Variants in LRMDA observed in about 807,000 individuals in gnomAD.
LRMDA encodes the protein leucine-rich melanocyte differentiation-associated protein.
Under a neutral mutation model 29.8 loss-of-function variants are expected in LRMDA, and 18 were observed. The observed-to-expected ratio is 0.60, with a 90% CI of 0.42 to 0.90. The LOEUF (loss-of-function observed/expected upper bound fraction) is 0.90. Ranked by LOEUF, LRMDA falls within the 40% of genes least tolerant of loss-of-function variation. The pLI is 0.00. For missense variants in LRMDA, 273 were observed against 273.9 expected, an observed-to-expected ratio of 1.00 and a Z score of 0.02; for synonymous variants, 125 against 109.4, an observed-to-expected ratio of 1.14 and a Z score of -0.89.
chr10:76,346,990 G>T (rs528225432), intron 6 of LRMDA, among the ~76,000 whole-genome samples: 4 of 152,104 alleles, frequency 2.6e-5, no homozygotes, highest in Admixed American at 2.6e-4. Flanking sequence ...CTTTATGAGC[G>T]TCAATTATCA....
chr10:75,715,910 A>C (rs1197492883), intron 2 of LRMDA, among the ~76,000 whole-genome samples: 1 of 151,216 alleles, frequency 6.6e-6, no homozygotes, highest in Non-Finnish European at 1.5e-5. Flanking sequence ...TAGTTTAGAG[A>C]ATGTAAATTG....
intron 2 of LRMDA, among the ~76,000 whole-genome samples, chr10:75,465,399 C>T (rs1844636098): frequency 6.6e-6 from 1 of 152,186 alleles, no homozygotes; most frequent in African/African-American, 2.4e-5. Context: ...CAGGTCTGTG[C>T]ATGCAGACAC....
chr10:76,496,775 G>C (rs1842881588), intron 6 of LRMDA, among the ~76,000 whole-genome samples: 1 of 74,674 alleles, frequency 1.3e-5, no homozygotes, highest in African/African-American at 3.3e-5. Context: ...TGATCATATG[G>C]GTGTTGGAGT....
At chr10:76,363,176 A>AGAAAGAAAGGAGGGAGGGAGGGAG (rs1459442138) in intron 6 of LRMDA, among the ~76,000 whole-genome samples, 1 of 21,750 alleles carries the variant, frequency 4.6e-5, no homozygotes, top group African/African-American at 1.5e-4. Context: ...AAAGAAAGAA[A>AGAAAGAAAGGAGGGAGGGAGGGAG]GGAGGGAGGG....
At chr10:75,628,224 C>T (rs1841277478) in intron 2 of LRMDA, among the ~76,000 whole-genome samples, 1 of 152,202 alleles carries the variant, frequency 6.6e-6, no homozygotes, top group African/African-American at 2.4e-5. Flanking sequence ...GCTACATTGT[C>T]CACTCTCAGA....
chr10:76,555,159 C>T (rs1458983229), intron 6 of LRMDA, among the ~76,000 whole-genome samples: 2 of 152,074 alleles, frequency 1.3e-5, no homozygotes, highest in Non-Finnish European at 2.9e-5. Context: ...ATTCCTGGAG[C>T]AGAGCCTGAT....
In LRMDA at chr10:76,324,390, T is replaced by A. The variant is rs781324694; in HGVS notation, c.517-11T>A. 6.2e-7 allele frequency: 1 copy of A among 1,613,984 alleles called. No homozygotes were observed. The highest frequency in any genetic ancestry group is 1.1e-5 in the South Asian group (1 of 91,072). On this transcript the variant is annotated splice_polypyrimidine_tract_variant and intron_variant, in intron 5 of 6. Transcript: ENST00000611255. ...GTGTTGCTTCATGTTGACTTTGCTT[T>A]TGTCACACAGGCTTCTAGTGAGGAC...
In LRMDA at chr10:75,571,309, T is replaced by A. The variant is rs992460789; in HGVS notation, c.131+132815T>A. ...GAATTAGGTTAACATAAGGTTCTTT[T>A]AAAAAATTTCCAGTGTTCTGCCACA... is the stretch of plus-strand genomic sequence containing the variant. On this transcript the variant is annotated intron_variant, in intron 2 of 6. Coordinates refer to ENST00000611255, the MANE Select transcript of LRMDA (RefSeq NM_001305581.2). 1.9e-4 allele frequency among the ~76,000 whole-genome samples: 29 copies of A among 152,310 alleles called. 1 individual carries two copies. The highest frequency in any genetic ancestry group is 6.8e-3 in the Middle Eastern group (2 of 294).
chr10:75,821,881 A>G (rs963466929), intron 2 of LRMDA, among the ~76,000 whole-genome samples: 1 of 152,214 alleles, frequency 6.6e-6, no homozygotes, highest in Non-Finnish European at 1.5e-5. Context: ...AGCCAACATG[A>G]TACTGAATGG....
intron 2 of LRMDA, among the ~76,000 whole-genome samples, chr10:75,835,423 A>G (rs1213533960): frequency 6.6e-6 from 1 of 152,224 alleles, no homozygotes; most frequent in Non-Finnish European, 1.5e-5. Flanking sequence ...AATCTAGGGT[A>G]ATCCTTTCAT....
chr10:76,469,772 A>G (rs1432584381), intron 6 of LRMDA, among the ~76,000 whole-genome samples: 1 of 152,126 alleles, frequency 6.6e-6, no homozygotes, highest in Non-Finnish European at 1.5e-5. Flanking sequence ...ACAGATAGCT[A>G]AGAACTCTCC....
chr10:75,469,367 A>C (rs1844699270), intron 2 of LRMDA, among the ~76,000 whole-genome samples: 1 of 152,044 alleles, frequency 6.6e-6, no homozygotes, highest in African/African-American at 2.4e-5. Flanking sequence ...CCCCCAGTGC[A>C]ACCAAAGACA....
At chr10:76,539,984 TCACA>T (rs35952483) in intron 6 of LRMDA, among the ~76,000 whole-genome samples, 3,268 of 150,126 alleles carry the variant, frequency 0.022, 46 homozygotes, top group Non-Finnish European at 0.03. Context: ...ATCAACATGT[TCACA>T]CACACACACA....
intron 2 of LRMDA, among the ~76,000 whole-genome samples, chr10:75,728,426 CTGTGTGTGTGTGTGTGTGTGTGTGTG>C (rs34902461): frequency 2.2e-5 from 3 of 138,192 alleles, no homozygotes; most frequent in African/African-American, 8.1e-5. Flanking sequence ...ATACGTGGCT[CTGTGTGTGTGTGTGTGTGTGTGTGTG>C]TGTGTGTGTG....
chr10:75,532,057 A>G (rs1027042395), intron 2 of LRMDA, among the ~76,000 whole-genome samples: 2 of 22,004 alleles, frequency 9.1e-5, no homozygotes, highest in South Asian at 1.2e-3. Context: ...AGAAAGAAAG[A>G]AAAAAAAAAA....
At chr10:75,906,295 T>C (rs1845757137) in intron 2 of LRMDA, among the ~76,000 whole-genome samples, 1 of 152,246 alleles carries the variant, frequency 6.6e-6, no homozygotes, top group Admixed American at 6.5e-5. Flanking sequence ...AAAATGATGA[T>C]GCAGTTACAT....
chr10:75,885,941 T>C (rs1372377042), intron 2 of LRMDA, among the ~76,000 whole-genome samples: 2 of 152,198 alleles, frequency 1.3e-5, no homozygotes, highest in Non-Finnish European at 2.9e-5. Flanking sequence ...GTTTGCTGAA[T>C]AGATGAATGA....
chr10:76,549,346 C>T (rs1843466643), intron 6 of LRMDA, among the ~76,000 whole-genome samples: 1 of 152,144 alleles, frequency 6.6e-6, no homozygotes, highest in African/African-American at 2.4e-5. Flanking sequence ...TCCTTCCCTA[C>T]AAACAAGTGG....
intron 3 of LRMDA, among the ~76,000 whole-genome samples, chr10:76,046,117 T>C (rs928666290): frequency 7.6e-6 from 1 of 132,350 alleles, no homozygotes; most frequent in African/African-American, 2.9e-5. Context: ...TGGGACCCCC[T>C]TTTATCTGCC....
Sources: gnomAD v4.1 joint callset for allele counts (sites outside exome capture counted in the v4.1 genomes callset) on GRCh38, gnomAD v4.1.1 for gene constraint, MANE v1.5 for transcripts, NCBI Gene and HGNC (gene_info 2026-07-23, HGNC 2026-07-21) for gene names.